TRPC4AP: variants seen among roughly 807,000 people sequenced by gnomAD.
TRPC4AP encodes transient receptor potential cation channel subfamily C member 4 associated protein.
A neutral mutation model predicts 99.0 loss-of-function variants in TRPC4AP; 45 were observed. That is an observed-to-expected ratio of 0.45 (90% confidence interval 0.36 to 0.58). The LOEUF (loss-of-function observed/expected upper bound fraction) is 0.58, where lower values mean the gene tolerates loss of function less well. Among genes scored for constraint, TRPC4AP ranks in the 20% least tolerant of loss-of-function variants. The pLI, the probability that TRPC4AP is intolerant of heterozygous loss-of-function variation, is 0.00. For missense variants in TRPC4AP, 879 were observed against 985.3 expected (o/e 0.89, Z 1.44); for synonymous variants, 408 against 385.8 (o/e 1.06, Z -0.67).
At chr20:35,059,050 G>A (rs989632098) in intron 3 of TRPC4AP, among the ~76,000 whole-genome samples, 2 of 152,048 alleles carry the variant, frequency 1.3e-5, no homozygotes, top group African/African-American at 4.8e-5. Flanking sequence ...AAAAAGAGCA[G>A]ACTAAACCCA....
intron 1 of TRPC4AP, among the ~76,000 whole-genome samples, chr20:35,078,434 C>A (rs193219935): frequency 6.6e-6 from 1 of 152,048 alleles, no homozygotes; most frequent in Non-Finnish European, 1.5e-5. Context: ...GACTTAGACT[C>A]GTCGTAAATA....
chr20:35,013,351 G>A (rs2013125), intron 10 of TRPC4AP, among the ~76,000 whole-genome samples: 27,994 of 152,040 alleles, frequency 0.18, 2,679 homozygotes, highest in Middle Eastern at 0.34. Context: ...AGGCCGAGGC[G>A]GGCAGATCGC....
chr20:35,007,857 T>C (rs532640075), intron 13 of TRPC4AP, among the ~76,000 whole-genome samples: 16 of 152,250 alleles, frequency 1.1e-4, no homozygotes, highest in African/African-American at 3.9e-4. Flanking sequence ...TCTGGGTCTG[T>C]CTGGAAGGGG....
intron 3 of TRPC4AP, among the ~76,000 whole-genome samples, chr20:35,060,863 A>T (rs181787558): frequency 6.6e-6 from 1 of 152,288 alleles, no homozygotes; most frequent in African/African-American, 2.4e-5. Context: ...GGCTTTTATT[A>T]AAAAACCCAC....
chr20:35,045,132 C>G (rs1275766104), intron 6 of TRPC4AP, among the ~76,000 whole-genome samples: 3 of 152,124 alleles, frequency 2.0e-5, no homozygotes, highest in Admixed American at 2.0e-4. Context: ...TATCCCCCAT[C>G]CAGTCGCATT....
At chr20:35,067,523 A>G (rs1332132513) in intron 3 of TRPC4AP, among the ~76,000 whole-genome samples, 1 of 152,184 alleles carries the variant, frequency 6.6e-6, no homozygotes, top group Admixed American at 6.5e-5. Context: ...AGGTATGTAT[A>G]TGCCTGAGAG....
At chr20:35,007,736 T>C in intron 13 of TRPC4AP, 96 bp from the exon 14 acceptor site, 2 of 1,252,770 alleles carry the variant, frequency 1.6e-6, no homozygotes, top group African/African-American at 1.5e-5. Flanking sequence ...TGCCTTTTCA[T>C]GTACTCAACA....
At chr20:35,057,694 G>C (rs912526446) in intron 3 of TRPC4AP, 123 bp from the exon 4 acceptor site, 2 of 764,754 alleles carry the variant, frequency 2.6e-6, no homozygotes, top group African/African-American at 3.6e-5. Flanking sequence ...TTTGTTCCAG[G>C]AGGCAGTTAA....
chr20:35,005,711 G>C lies in TRPC4AP; in HGVS notation c.1920C>G (p.Asn640Lys). The change falls in exon 16 of 19, where the codon AAC becomes AAG. Residue 640 changes from asparagine (N) to lysine (K), a missense_variant. Physicochemically the swap from Asn to Lys is moderately conservative, Grantham distance 94 (BLOSUM62 0). Around this residue, in one of 3 missense-constraint regions of TRPC4AP, gnomAD observed 224 missense variants for 264.7 expected, o/e 0.85. Transcript: ENST00000252015. ...TTCATGTACCTTTCATATCCACCTG[G>C]TTTTCAAATCGGTCCAGGGACAGAG... The part of the protein sequence containing the change: ...CVTLSLDRFE[N>K]QVDMKVAEVL... 1.2e-6 allele frequency: 2 copies of C among 1,614,082 alleles called. No homozygotes were observed.
intron 2 of TRPC4AP, 137 bp downstream of exon 2, chr20:35,077,909 A>T: frequency 1.0e-6 from 1 of 972,634 alleles, no homozygotes; most frequent in Non-Finnish European, 1.5e-6. Context: ...CTTTTTCTGA[A>T]TTTCTCAAAT....
chr20:35,035,180 C>T lies in TRPC4AP; in HGVS notation c.994G>A (p.Ala332Thr). The T allele has an allele frequency of 6.2e-7, 1 of 1,614,114 alleles. No individual in the cohort carries two copies. The highest frequency in any genetic ancestry group is 8.5e-7 in the Non-Finnish European group (1 of 1,179,992). The change falls in exon 8 of 19, where the codon GCT (alanine) becomes ACT (threonine). Residue 332 changes from alanine to threonine, a missense_variant. Ala to Thr is a moderately conservative substitution (Grantham distance 58). Coordinates refer to ENST00000252015, the MANE Select transcript of TRPC4AP (RefSeq NM_015638.3). The part of the protein sequence containing the change: ...LEEWYTWLDN[A>T]LVLDALMRVA... Reference sequence around the variant, plus strand: ...CGCATCAGGGCATCTAGCACCAAAGCATTGTCTAGCCATGTGTACCACTCT... The same window carrying T: ...CGCATCAGGGCATCTAGCACCAAAGTATTGTCTAGCCATGTGTACCACTCT...
chr20:35,086,216 C>T (rs2084841705), intron 1 of TRPC4AP, among the ~76,000 whole-genome samples: 1 of 152,012 alleles, frequency 6.6e-6, no homozygotes, highest in African/African-American at 2.4e-5. Flanking sequence ...AGCTCGGCCT[C>T]CCAAAGTGCT....
chr20:35,059,775 CAAA>C (rs1569131833), intron 3 of TRPC4AP, among the ~76,000 whole-genome samples: 126 of 137,828 alleles, frequency 9.1e-4, no homozygotes, highest in Non-Finnish European at 5.1e-4. Flanking sequence ...ACGACGAAGA[CAAA>C]GAAGATGAAG....
chr20:35,011,680 G>A (rs2082641194), intron 11 of TRPC4AP, among the ~76,000 whole-genome samples: 1 of 152,176 alleles, frequency 6.6e-6, no homozygotes, highest in Non-Finnish European at 1.5e-5. Context: ...GCCCAGCCCA[G>A]AGCCAAGCCC....
chr20:35,017,811 A>C (rs2082789301), intron 9 of TRPC4AP, among the ~76,000 whole-genome samples: 1 of 152,244 alleles, frequency 6.6e-6, no homozygotes, highest in Non-Finnish European at 1.5e-5. Flanking sequence ...TTTGCCACTG[A>C]AAGTAATAGA....
intron 2 of TRPC4AP, among the ~76,000 whole-genome samples, chr20:35,075,474 A>G (rs2084450963): frequency 6.6e-6 from 1 of 152,114 alleles, no homozygotes; most frequent in Admixed American, 6.6e-5. Context: ...ATCTCTCAGC[A>G]TTTGCTTGTC....
intron 8 of TRPC4AP, among the ~76,000 whole-genome samples, chr20:35,024,863 T>G (rs2082990787): frequency 9.1e-6 from 1 of 109,506 alleles, no homozygotes; most frequent in African/African-American, 2.8e-5. Context: ...AAATTCTGTT[T>G]ATTCATTAAT....
intron 10 of TRPC4AP, among the ~76,000 whole-genome samples, chr20:35,013,539 C>A (rs2147278756): frequency 6.6e-6 from 1 of 152,300 alleles, no homozygotes. Flanking sequence ...GATCGCACCA[C>A]TGACTGCACT....
intron 8 of TRPC4AP, among the ~76,000 whole-genome samples, chr20:35,027,688 A>C (rs998944695): frequency 8.5e-5 from 13 of 152,060 alleles, no homozygotes; most frequent in Admixed American, 3.3e-4. Flanking sequence ...TATTTATTCA[A>C]TCTCGTTGTT....
Sources: gnomAD v4.1 joint callset for allele counts (sites outside exome capture counted in the v4.1 genomes callset) on GRCh38, gnomAD v4.1.1 for gene constraint, gnomAD v4.1.1 regional missense constraint, MANE v1.5 for transcripts, NCBI Gene and HGNC (gene_info 2026-07-23, HGNC 2026-07-21) for gene names.